The following DNAH8 variants were observed in gnomAD, a reference collection of about 807,000 sequenced individuals.
DNAH8 encodes the protein dynein axonemal heavy chain 8, also known as axonemal beta dynein heavy chain 8.
DNAH8 carries 382 observed loss-of-function variants against 562.1 expected under a neutral mutation model. That is an observed-to-expected ratio of 0.68 (90% CI 0.63 to 0.74). DNAH8 has a LOEUF of 0.74. DNAH8 is among the 30% of genes least tolerant of loss of function. The probability of loss-of-function intolerance (pLI) is 0.00; values close to 1 mark genes in which losing one functional copy is unlikely to be tolerated. For synonymous variants in DNAH8, 1,881 were observed against 1,919.4 expected, an observed-to-expected ratio of 0.98 and a Z score of 0.52; for missense variants, 5,203 against 5,620.4, an observed-to-expected ratio of 0.93 and a Z score of 2.37.
intron 26 of DNAH8, among the ~76,000 whole-genome samples, chr6:38,818,451 T>C (rs1317082958): frequency 1.3e-5 from 2 of 148,816 alleles, no homozygotes; most frequent in African/African-American, 4.9e-5. Flanking sequence ...ACATGCAGTG[T>C]CTTTTAAAAT....
chr6:39,013,419 T>C (rs145302786), intron 91 of DNAH8, among the ~76,000 whole-genome samples: 3 of 152,278 alleles, frequency 2.0e-5, no homozygotes, highest in African/African-American at 7.2e-5. Context: ...TCTCATAAAA[T>C]AATGTTGAGT....
intron 63 of DNAH8, 150 bp from the exon 64 acceptor site, chr6:38,907,806 T>G: frequency 1.6e-6 from 1 of 631,478 alleles, no homozygotes; most frequent in Admixed American, 3.8e-5. Flanking sequence ...CTTGATCATC[T>G]CTGGCAAATC....
chr6:38,776,036 TAGTA>T, intron 13 of DNAH8, 85 bp downstream of exon 13: 1 of 812,646 alleles, frequency 1.2e-6, no homozygotes, highest in Non-Finnish European at 2.0e-6. Context: ...TATTCACATG[TAGTA>T]AGTGTTTCTA....
Position 38,935,572 on chromosome 6 carries a change from T to G in DNAH8, c.11458-20T>G. ...CTGGTAATTATAGTTCCAATGTTAT[T>G]TTTTGTTTTTTAATGACAGGAGTTA... On this transcript the variant is annotated intron_variant, in intron 76 of 92. Coordinates refer to ENST00000327475, the MANE Select transcript of DNAH8 (RefSeq NM_001206927.2). 10 of 1,544,412 alleles carry G rather than the reference T, an allele frequency of 6.5e-6. No homozygotes were observed. Among genetic ancestry groups the G allele is most frequent in the Non-Finnish European group, 8.9e-6 (10 of 1,124,212 alleles).
intron 41 of DNAH8, 109 bp downstream of exon 41, chr6:38,853,456 A>T (rs1775929222): frequency 4.1e-6 from 5 of 1,217,246 alleles, no homozygotes; most frequent in Non-Finnish European, 5.8e-6. Context: ...GCTTTGAATT[A>T]GGTTAGAGTG....
At chr6:38,955,854 G>A (rs1282110350) in intron 82 of DNAH8, among the ~76,000 whole-genome samples, 4 of 152,150 alleles carry the variant, frequency 2.6e-5, no homozygotes, top group Admixed American at 6.5e-5. Context: ...AGACCTAGGA[G>A]GGTTGTTTTG....
intron 24 of DNAH8, among the ~76,000 whole-genome samples, chr6:38,810,690 T>C (rs539424419): frequency 1.3e-5 from 2 of 152,336 alleles, no homozygotes; most frequent in South Asian, 4.1e-4. Context: ...CTCACTGAAC[T>C]GTACATATTT....
At chr6:38,775,975 C>T (rs1768023590) in intron 13 of DNAH8, 24 bp downstream of exon 13, 1 of 1,484,432 alleles carries the variant, frequency 6.7e-7, no homozygotes, top group African/African-American at 1.4e-5. Context: ...CCTACTTTTA[C>T]TTAGTAAAGC....
chr6:38,873,789 C>T lies in DNAH8; in HGVS notation c.7620+413C>T, dbSNP rs185772213. Among the ~76,000 whole-genome samples the T allele has an allele frequency of 5.0e-3, 747 of 149,760 alleles. 5 individuals carry two copies. The highest frequency in any genetic ancestry group is 0.018 in the African/African-American group (722 of 40,684). On this transcript the variant is annotated intron_variant, in intron 52 of 92. Coordinates refer to ENST00000327475, the MANE Select transcript of DNAH8 (RefSeq NM_001206927.2). ...ACACACCCCTGCACTCCAGCTGGGG[C>T]GACAGAGTGAGACCCTGTCTCAAAA...
chr6:38,761,540 C>G lies in DNAH8; in HGVS notation c.1516-162C>G, dbSNP rs112124194. ...TGAACTTCTGGGCTCAAGTTACCCT[C>G]CCACCTTGGCCTCCCAAAGTACTGG... On this transcript the variant is annotated intron_variant, in intron 10 of 92. Transcript: ENST00000327475. Among the ~76,000 whole-genome samples the G allele has an allele frequency of 3.8e-3, 581 of 151,936 alleles. 8 individuals carry two copies. Among genetic ancestry groups the G allele is most frequent in the African/African-American group, 0.014 (563 of 41,452 alleles).
At chr6:38,909,828 ACTCT>A (rs2150527692) in intron 65 of DNAH8, 84 bp downstream of exon 65, 1 of 1,129,502 alleles carries the variant, frequency 8.9e-7, no homozygotes, top group African/African-American at 1.6e-5. Context: ...CCAGCAGAAG[ACTCT>A]TTCTATTCAT....
intron 41 of DNAH8, among the ~76,000 whole-genome samples, 156 bp from the exon 42 acceptor site, chr6:38,857,362 A>G (rs1776281768): frequency 1.3e-5 from 2 of 152,232 alleles, no homozygotes; most frequent in Non-Finnish European, 2.9e-5. Flanking sequence ...TTAAATATTA[A>G]CGGTTAAAAC....
intron 73 of DNAH8, among the ~76,000 whole-genome samples, chr6:38,925,648 G>A (rs1218175523): frequency 6.6e-6 from 1 of 152,076 alleles, no homozygotes; most frequent in Admixed American, 6.6e-5. Flanking sequence ...CACCATGTGG[G>A]CAGAACCAAA....
intron 32 of DNAH8, among the ~76,000 whole-genome samples, chr6:38,837,159 C>G (rs1774370418): frequency 6.6e-6 from 1 of 152,154 alleles, no homozygotes; most frequent in South Asian, 2.1e-4. Flanking sequence ...TCGAGTTCAC[C>G]TGGTATCTTC....
chr6:38,803,443 TCA>T, intron 22 of DNAH8, 132 bp downstream of exon 22: 1 of 611,730 alleles, frequency 1.6e-6, no homozygotes, highest in South Asian at 2.8e-5. Flanking sequence ...TCAGCATAAA[TCA>T]CATTGTTTGT....
intron 62 of DNAH8, among the ~76,000 whole-genome samples, chr6:38,900,806 G>C (rs1181152770): frequency 6.6e-6 from 1 of 151,916 alleles, no homozygotes; most frequent in Non-Finnish European, 1.5e-5. Flanking sequence ...TAGTAGAGAC[G>C]GGGTTTCACC....
chr6:39,020,682 C>G (rs1554165003), intron 91 of DNAH8, among the ~76,000 whole-genome samples: 1 of 152,188 alleles, frequency 6.6e-6, no homozygotes, highest in Non-Finnish European at 1.5e-5. Context: ...CCTTCCCCCA[C>G]CAATAGGCCT....
rs541889538 is a variant in DNAH8 at position 39,017,162 on chromosome 6, T to C, written c.13714+4525T>C. Among the ~76,000 whole-genome samples the C allele has an allele frequency of 4.6e-5, 7 of 152,336 alleles. No homozygotes were observed. The South Asian group carries it at 1.4e-3, about 32-fold the overall frequency. The stretch of plus-strand genomic sequence containing the variant: ...AGATTACTCAGGCCAGGGGAACCTT[T>C]GTGCTCCACTGGGTTTTCCCAGCAG... On this transcript the variant is annotated intron_variant, in intron 91 of 92. Transcript: ENST00000327475.
At chr6:38,994,706 G>A (rs1482774127) in intron 88 of DNAH8, among the ~76,000 whole-genome samples, 1 of 147,184 alleles carries the variant, frequency 6.8e-6, no homozygotes, top group Non-Finnish European at 1.5e-5. Context: ...GGAGTGCTGT[G>A]GCATGATCTC....
Sources: allele counts gnomAD v4.1 joint callset (sites outside exome capture counted in the v4.1 genomes callset), GRCh38; gene constraint gnomAD v4.1.1; transcripts MANE v1.5; gene names NCBI Gene and HGNC (gene_info 2026-07-23, HGNC 2026-07-21).